Variants in ACSL6 observed in about 807,000 individuals in gnomAD.
ACSL6 encodes long-chain-fatty-acid--CoA ligase 6.
In ACSL6, 47 loss-of-function variants were observed where a neutral mutation model predicts 98.2. That is an observed-to-expected ratio of 0.48 (90% CI 0.38 to 0.61). ACSL6 has a LOEUF of 0.61. Ranked by LOEUF, ACSL6 falls within the 20% of genes least tolerant of loss-of-function variation. The pLI is 0.00. For missense variants in ACSL6, 761 were observed against 913.4 expected (o/e 0.83, Z 2.15); for synonymous variants, 362 against 336.9 (o/e 1.07, Z -0.82).
In ACSL6 at chr5:131,962,547, C is replaced by T. The variant is rs932721886; in HGVS notation, c.1845G>A (p.Gly615=). Reference sequence around the variant, plus strand: ...CTAGAGGCCTCACCTTTAAGCTGTCCCCATGGACATAGATTTGCGCCACAG... The same window carrying T: ...CTAGAGGCCTCACCTTTAAGCTGTCTCCATGGACATAGATTTGCGCCACAG... ...SQPVAQIYVH[G]DSLKAFLVGI... Residue 615 remains glycine, a synonymous_variant, in exon 18 of 21, where the codon GGG becomes GGA. Transcript: ENST00000651883. 5 of 1,613,816 alleles carry T rather than the reference C, an allele frequency of 3.1e-6. No homozygotes were observed. The highest frequency in any genetic ancestry group is 4.2e-6 in the Non-Finnish European group (5 of 1,179,926).
chr5:131,981,884 G>A (rs1318118228), intron 9 of ACSL6: 1 of 152,130 alleles, frequency 6.6e-6, no homozygotes, highest in Non-Finnish European at 1.5e-5. Context: ...TTGTGATGGA[G>A]TCTCGCTCTG....
intron 9 of ACSL6, among the ~76,000 whole-genome samples, chr5:131,980,035 G>T (rs921031167): frequency 3.3e-5 from 5 of 152,198 alleles, no homozygotes; most frequent in African/African-American, 9.7e-5. Context: ...ATTGGATGTT[G>T]GCTCCAGGTG....
At chr5:131,971,525 A>G in intron 14 of ACSL6, 25 bp downstream of exon 14, 1 of 1,570,948 alleles carries the variant, frequency 6.4e-7, no homozygotes, top group Non-Finnish European at 8.7e-7. Flanking sequence ...TGCTGTTTCC[A>G]AGGGAGGACA....
rs1752153324 is a variant in ACSL6, at chr5:131,951,459, T to C, written c.*2775A>G. The stretch of plus-strand genomic sequence containing the variant: ...TGCAAGATATTTAGGGTACACTATT[T>C]ACTTTTCTCAGCACATCTGAACTAA... On this transcript the variant is annotated 3_prime_UTR_variant, in exon 21 of 21. Transcript: ENST00000651883. 4.9e-6 allele frequency: 1 copy of C among 205,182 alleles called. No homozygotes were observed. The highest frequency in any genetic ancestry group is 2.3e-5 in the African/African-American group (1 of 43,812). The allele number at this position is 205,182 out of a possible 1,614,324, so 12.7% of individuals were successfully genotyped here. A position where few individuals can be genotyped will look rare whatever the true frequency, so the allele number is the denominator to read the frequency against.
rs1408324358 is a variant in ACSL6 at position 131,986,481 on chromosome 5, T to C, written c.864+341A>G. 3.3e-5 allele frequency among the ~76,000 whole-genome samples: 5 copies of C among 152,266 alleles called. No homozygotes were observed. In the South Asian group the frequency reaches 1.0e-3, roughly 32 times the overall value. Reference sequence around the variant, plus strand: ...AAGGCCATTTGGCACAAGAGTCCATTTCTGGTTCTGCTGTTGCTTCTGTCT... The same window carrying C: ...AAGGCCATTTGGCACAAGAGTCCATCTCTGGTTCTGCTGTTGCTTCTGTCT... On this transcript the variant is annotated intron_variant, in intron 8 of 20. Transcript: ENST00000651883.
rs878873553 is a variant in ACSL6 at position 131,968,298 on chromosome 5, A to T, written c.1508-270T>A. On this transcript the variant is annotated intron_variant, in intron 15 of 20. Transcript: ENST00000651883. Reference sequence around the variant, plus strand: ...CACCTGGCCCAGCACCAACGTGCACAGGGTCCTGGGTAGGGTAGGATGGGG... The same window carrying T: ...CACCTGGCCCAGCACCAACGTGCACTGGGTCCTGGGTAGGGTAGGATGGGG... 2.1e-5 allele frequency: 8 copies of T among 386,510 alleles called. No individual in the cohort carries two copies. In the Admixed American group the frequency reaches 3.3e-4, roughly 16 times the overall value. 23.9% of individuals were successfully genotyped at this position (386,510 alleles called of 1,614,324 possible). A position where few individuals can be genotyped will look rare whatever the true frequency, so the allele number is the denominator to read the frequency against.
intron 1 of ACSL6, among the ~76,000 whole-genome samples, chr5:132,004,978 C>A (rs187305064): frequency 6.6e-6 from 1 of 152,122 alleles, no homozygotes; most frequent in Admixed American, 6.5e-5. Context: ...GGTGAAACCC[C>A]GTCTCTACCA....
At chr5:131,986,509 T>C (rs1298835212) in intron 8 of ACSL6, among the ~76,000 whole-genome samples, 1 of 152,244 alleles carries the variant, frequency 6.6e-6, no homozygotes, top group African/African-American at 2.4e-5. Flanking sequence ...TTCTGTCTAC[T>C]GCATCTTCTG....
chr5:131,974,243 A>G (rs925705721), intron 11 of ACSL6, among the ~76,000 whole-genome samples: 1 of 152,302 alleles, frequency 6.6e-6, no homozygotes, highest in East Asian at 1.9e-4. Flanking sequence ...CCTTGTCTCC[A>G]TAATCACATA....
chr5:131,967,582 G>A (rs1753080869), intron 16 of ACSL6, among the ~76,000 whole-genome samples: 1 of 151,686 alleles, frequency 6.6e-6, no homozygotes. Context: ...GGAGAATGGT[G>A]TGAACCTGGG....
chr5:131,997,064 T>C (rs1046397655), intron 1 of ACSL6, among the ~76,000 whole-genome samples: 31 of 151,908 alleles, frequency 2.0e-4, no homozygotes, highest in African/African-American at 7.5e-4. Context: ...GCCCACAAAA[T>C]CTCATACAAA....
Position 131,989,498 on chromosome 5 carries a change from C to A in ACSL6, c.461G>T (p.Arg154Met). Residue 154 changes from arginine to methionine, a missense_variant, in exon 5 of 21, where the codon AGG becomes ATG. By Grantham distance (91) the Arg-to-Met change is moderately conservative. Transcript: ENST00000651883. ...QWLSYQEVAD[R>M]AEFLGSGLLQ... ...AAGTCCGGACCCCAGAAATTCAGCC[C>A]TGTCGGCCACCTGCACACAGATGTG... 6.2e-7 allele frequency: 1 copy of A among 1,613,496 alleles called. No individual in the cohort carries two copies.
intron 12 of ACSL6, among the ~76,000 whole-genome samples, 198 bp from the exon 13 acceptor site, chr5:131,973,056 T>C (rs982326158): frequency 6.6e-6 from 1 of 151,990 alleles, no homozygotes; most frequent in Non-Finnish European, 1.5e-5. Flanking sequence ...TGGAAGTTCC[T>C]GAAAAAAAAT....
At chr5:131,955,254 A>AT (rs1561770722) in intron 20 of ACSL6, among the ~76,000 whole-genome samples, 1 of 152,250 alleles carries the variant, frequency 6.6e-6, no homozygotes, top group Non-Finnish European at 1.5e-5. Flanking sequence ...TTTTGGCTAA[A>AT]GATGTGTATC....
chr5:132,011,921 T>C (rs1580714804), upstream of ACSL6: 3 of 1,556,824 alleles, frequency 1.9e-6, no homozygotes, highest in East Asian at 7.2e-5. This position sits in a 1 kb window ranked among gnomAD's most constrained non-coding sequence, Gnocchi z 5.4. Flanking sequence ...TACCTGGCAT[T>C]CTGCGGAAAC....
At chr5:132,006,106 C>T (rs1176990804) in intron 1 of ACSL6, among the ~76,000 whole-genome samples, 2 of 152,162 alleles carry the variant, frequency 1.3e-5, no homozygotes, top group Non-Finnish European at 2.9e-5. Context: ...ATTCCCAACT[C>T]CCCCAGACGC....
chr5:131,954,152 T>C lies in ACSL6; in HGVS notation c.*82A>G, dbSNP rs1474191147. On this transcript the variant is annotated 3_prime_UTR_variant, in exon 21 of 21. Transcript: ENST00000651883. ...TCAGATGCTTATTCATTTTCAGCTG[T>C]GTCATTTTGACTCATTACTTTCAAG... is the stretch of plus-strand genomic sequence containing the variant. The C allele has an allele frequency of 7.2e-7, 1 of 1,391,040 alleles. No individual in the cohort carries two copies. The highest frequency in any genetic ancestry group is 2.7e-5 in the Admixed American group (1 of 37,582). The allele number at this position is 1,391,040 out of a possible 1,614,324, so 86.2% of individuals were successfully genotyped here.
intron 9 of ACSL6, 67 bp from the exon 10 acceptor site, chr5:131,976,788 C>A: frequency 7.2e-7 from 1 of 1,383,454 alleles, no homozygotes; most frequent in Non-Finnish European, 1.0e-6. Context: ...GAGCAGTGCC[C>A]AAGTTGGCAG....
At chr5:131,957,248 G>C (rs1422739372) in intron 20 of ACSL6, among the ~76,000 whole-genome samples, 1 of 152,168 alleles carries the variant, frequency 6.6e-6, no homozygotes, top group African/African-American at 2.4e-5. Flanking sequence ...AATTGGTTAG[G>C]TAAGTGTTCA....
Sources: gnomAD v4.1 joint callset for allele counts (sites outside exome capture counted in the v4.1 genomes callset) on GRCh38, gnomAD v4.1.1 for gene constraint, Gnocchi (gnomAD v3.1) non-coding constraint, MANE v1.5 for transcripts, NCBI Gene and HGNC (gene_info 2026-07-23, HGNC 2026-07-21) for gene names.